Variants in EIF4G3 observed in about 807,000 individuals in gnomAD.
EIF4G3 encodes the protein eIF-4-gamma 3.
EIF4G3 carries 34 observed loss-of-function variants against 186.4 expected under a neutral mutation model. That is an observed-to-expected ratio of 0.18 (90% confidence interval 0.14 to 0.24). The LOEUF (loss-of-function observed/expected upper bound fraction) is 0.24. Ranked by LOEUF, EIF4G3 falls within the 10% of genes least tolerant of loss-of-function variation. EIF4G3 has a pLI of 1.00. For synonymous variants in EIF4G3, 673 were observed against 679.5 expected (o/e 0.99, Z 0.15); for missense variants, 1,536 against 1,948.5 (o/e 0.79, Z 3.99).
chr1:21,159,114 C>T (rs1340802034), intron 2 of EIF4G3, among the ~76,000 whole-genome samples: 1 of 152,044 alleles, frequency 6.6e-6, no homozygotes, highest in Non-Finnish European at 1.5e-5. Flanking sequence ...TGTCGGGGAA[C>T]TCAGATGTTG....
At chr1:21,165,080 C>T (rs1053728703) in intron 2 of EIF4G3, among the ~76,000 whole-genome samples, 18 of 152,150 alleles carry the variant, frequency 1.2e-4, no homozygotes, top group African/African-American at 4.3e-4. Flanking sequence ...CAAAAACATG[C>T]TCAACTCCAT....
chr1:20,952,677 C>A (rs781707543), intron 12 of EIF4G3, among the ~76,000 whole-genome samples: 2 of 152,062 alleles, frequency 1.3e-5, no homozygotes, highest in African/African-American at 4.8e-5. Context: ...GATGAAACCC[C>A]GTCTCTACCA....
At chr1:21,125,665 G>T (rs542319956) in intron 2 of EIF4G3, among the ~76,000 whole-genome samples, 1 of 151,904 alleles carries the variant, frequency 6.6e-6, no homozygotes, top group South Asian at 2.1e-4. Flanking sequence ...GCTGCAGTGA[G>T]CCGAGATTGT....
intron 2 of EIF4G3, among the ~76,000 whole-genome samples, chr1:21,159,669 G>A (rs1193768036): frequency 6.6e-6 from 1 of 152,092 alleles, no homozygotes; most frequent in African/African-American, 2.4e-5. Flanking sequence ...GAACCCATGA[G>A]GTGGAGGCTG....
intron 30 of EIF4G3, 143 bp from the exon 31 acceptor site, chr1:20,829,415 T>A: frequency 1.2e-6 from 1 of 868,066 alleles, no homozygotes; most frequent in African/African-American, 1.7e-5. Context: ...GACTGGTAAA[T>A]ACATTACCAT....
At chr1:20,906,811 TACACACACACACACACACACAAAC>T (rs1457977412) in intron 14 of EIF4G3, among the ~76,000 whole-genome samples, 1 of 149,666 alleles carries the variant, frequency 6.7e-6, no homozygotes, top group Non-Finnish European at 1.5e-5. Flanking sequence ...AAAAACTGGA[TACACACACACACACACACACAAAC>T]ACACACACAC....
intron 4 of EIF4G3, among the ~76,000 whole-genome samples, chr1:21,006,804 G>A (rs2085208995): frequency 6.6e-6 from 1 of 151,960 alleles, no homozygotes; most frequent in African/African-American, 2.4e-5. Flanking sequence ...CAGATGTGAT[G>A]GTTTTCAAAC....
chr1:21,084,542 A>G (rs2095897483), intron 3 of EIF4G3, among the ~76,000 whole-genome samples: 1 of 152,192 alleles, frequency 6.6e-6, no homozygotes, highest in African/African-American at 2.4e-5. Flanking sequence ...AGATTTAAGT[A>G]AGGACACAAA....
At chr1:20,966,781 C>T (rs984489990) in intron 12 of EIF4G3, among the ~76,000 whole-genome samples, 1 of 152,084 alleles carries the variant, frequency 6.6e-6, no homozygotes, top group Non-Finnish European at 1.5e-5. Flanking sequence ...TTCTATGATG[C>T]TCCAGAAAAT....
At chr1:21,039,079 G>A (rs1389642818) in intron 4 of EIF4G3, among the ~76,000 whole-genome samples, 1 of 152,122 alleles carries the variant, frequency 6.6e-6, no homozygotes, top group East Asian at 1.9e-4. Flanking sequence ...AAGTCAGTAT[G>A]GTACTGGCAT....
intron 4 of EIF4G3, among the ~76,000 whole-genome samples, chr1:21,044,432 AT>A (rs1328639474): frequency 1.3e-5 from 2 of 152,044 alleles, no homozygotes; most frequent in Non-Finnish European, 2.9e-5. Flanking sequence ...AAAACTATAC[AT>A]TTTGCTTTTT....
chr1:20,987,480 A>G (rs2154567433), intron 7 of EIF4G3, among the ~76,000 whole-genome samples: 1 of 152,316 alleles, frequency 6.6e-6, no homozygotes, highest in East Asian at 1.9e-4. Flanking sequence ...CATTTTTCCA[A>G]CAGCATGTGC....
intron 4 of EIF4G3, chr1:21,003,803 A>G: frequency 2.4e-6 from 1 of 416,390 alleles, no homozygotes; most frequent in African/African-American, 2.1e-5. Context: ...TGCCAATGTA[A>G]ATTGCCTTAT....
intron 6 of EIF4G3, among the ~76,000 whole-genome samples, chr1:20,998,152 A>T (rs1488474738): frequency 1.3e-5 from 2 of 152,006 alleles, no homozygotes; most frequent in African/African-American, 4.8e-5. Flanking sequence ...TATCTTATCC[A>T]TGAAATGGAA....
chr1:21,175,353 T>C (rs1386911873), intron 2 of EIF4G3: 1 of 152,174 alleles, frequency 6.6e-6, no homozygotes, highest in Non-Finnish European at 1.5e-5. Context: ...ATTAGAAACA[T>C]TCAATACTAG....
rs373267111 is a variant in EIF4G3, at chr1:20,820,057, G to A, written c.4369-2519C>T. ...CCCCTTCTGAGTTGGGATGGAAGCT[G>A]CCTGTGCTACTGCAGCCACCCAAAC... On this transcript the variant is annotated intron_variant, in intron 33 of 36. Transcript: ENST00000602326. 5.2e-3 allele frequency among the ~76,000 whole-genome samples: 792 copies of A among 152,274 alleles called. 4 individuals are homozygous for A. The highest frequency in any genetic ancestry group is 6.0e-3 in the Non-Finnish European group (410 of 68,008).
intron 2 of EIF4G3, among the ~76,000 whole-genome samples, chr1:21,133,505 A>G (rs1327907013): frequency 1.3e-5 from 2 of 152,230 alleles, no homozygotes; most frequent in Admixed American, 6.5e-5. Context: ...GATTACAGGC[A>G]TGAGCCACCG....
At chr1:20,934,637 G>A (rs1242157466) in intron 14 of EIF4G3, among the ~76,000 whole-genome samples, 1 of 152,068 alleles carries the variant, frequency 6.6e-6, no homozygotes, top group Non-Finnish European at 1.5e-5. Flanking sequence ...TGGTTGGGAT[G>A]GACAGTGTGA....
At chr1:20,998,838 C>A in intron 6 of EIF4G3, 1 of 427,890 alleles carries the variant, frequency 2.3e-6, no homozygotes, top group Admixed American at 2.6e-5. Context: ...AAACCATATA[C>A]AGGGTTTTTA....
Sources: gnomAD v4.1 joint callset for allele counts (sites outside exome capture counted in the v4.1 genomes callset) on GRCh38, gnomAD v4.1.1 for gene constraint, MANE v1.5 for transcripts, NCBI Gene and HGNC (gene_info 2026-07-23, HGNC 2026-07-21) for gene names.